Variants in STK3 observed in about 807,000 individuals in gnomAD.
The protein encoded by STK3 is serine/threonine-protein kinase 3.
In STK3, 41 loss-of-function variants were observed where a neutral mutation model predicts 58.0. That is an observed-to-expected ratio of 0.71 (90% CI 0.55 to 0.92). STK3 has a LOEUF of 0.92. STK3 is among the 40% of genes least tolerant of loss of function. The probability of loss-of-function intolerance (pLI) is 0.00; values close to 1 mark genes in which losing one functional copy is unlikely to be tolerated. For missense variants in STK3, 479 were observed against 602.7 expected, an observed-to-expected ratio of 0.79 and a Z score of 2.15; for synonymous variants, 170 against 191.0, an observed-to-expected ratio of 0.89 and a Z score of 0.91.
At chr8:98,777,502 C>G (rs1367803120) in intron 1 of STK3, among the ~76,000 whole-genome samples, 3 of 151,876 alleles carry the variant, frequency 2.0e-5, no homozygotes, top group African/African-American at 7.3e-5. Context: ...AGAGTTAGAC[C>G]CTATCTCAAA....
chr8:98,531,874 T>A (rs1479694752), intron 9 of STK3, among the ~76,000 whole-genome samples: 1 of 152,224 alleles, frequency 6.6e-6, no homozygotes, highest in East Asian at 1.9e-4. Context: ...CTTCAAACTT[T>A]TCTTCTGCAG....
At chr8:98,543,117 C>G (rs1810425895) in intron 9 of STK3, among the ~76,000 whole-genome samples, 1 of 152,126 alleles carries the variant, frequency 6.6e-6, no homozygotes. Context: ...GAAGCAACCT[C>G]TTAACTGAGC....
At chr8:98,812,137 T>G (rs892590896) in intron 1 of STK3, among the ~76,000 whole-genome samples, 1 of 152,212 alleles carries the variant, frequency 6.6e-6, no homozygotes, top group Non-Finnish European at 1.5e-5. Context: ...TGCTCCCTTT[T>G]GCCTTTTAAA....
At chr8:98,927,177 G>A (rs796494313) in intron 1 of STK3, among the ~76,000 whole-genome samples, 7 of 152,352 alleles carry the variant, frequency 4.6e-5, no homozygotes, top group African/African-American at 1.7e-4. Flanking sequence ...CTCTGAATGT[G>A]AGATCATGCT....
At chr8:98,893,474 GAAAGAA>G (rs1478770717) in intron 1 of STK3, among the ~76,000 whole-genome samples, 1 of 65,250 alleles carries the variant, frequency 1.5e-5, no homozygotes, top group African/African-American at 7.9e-5. Flanking sequence ...AAGAAAGAAA[GAAAGAA>G]AGAAAGAGAA....
At chr8:98,751,361 G>A (rs1355796274) in intron 3 of STK3, among the ~76,000 whole-genome samples, 1 of 152,112 alleles carries the variant, frequency 6.6e-6, no homozygotes, top group Non-Finnish European at 1.5e-5. Context: ...AAACCCCATA[G>A]CCTCAGCCCA....
chr8:98,764,458 A>T (rs2131428232), intron 3 of STK3, among the ~76,000 whole-genome samples: 1 of 152,352 alleles, frequency 6.6e-6, no homozygotes, highest in East Asian at 1.9e-4. Context: ...GAATAAAGAT[A>T]GTGATGACAT....
chr8:98,767,853 G>A (rs1375001186), intron 2 of STK3, among the ~76,000 whole-genome samples: 2 of 152,168 alleles, frequency 1.3e-5, no homozygotes, highest in African/African-American at 4.8e-5. Context: ...GAGAAGCAAG[G>A]AATCTGCAGC....
chr8:98,622,805 T>C (rs774116208), intron 6 of STK3, among the ~76,000 whole-genome samples: 30 of 152,162 alleles, frequency 2.0e-4, no homozygotes, highest in Non-Finnish European at 3.1e-4. Flanking sequence ...AACTAAGAAA[T>C]AGAAATTGCT....
chr8:98,362,737 T>A, the STK3 span, among the ~76,000 whole-genome samples: 14 of 152,164 alleles, frequency 9.2e-5, no homozygotes, highest in African/African-American at 3.4e-4. Flanking sequence ...AAAAGTATGA[T>A]GCTTCCACCT....
chr8:98,900,226 G>A (rs553757786), intron 1 of STK3, among the ~76,000 whole-genome samples: 48 of 152,068 alleles, frequency 3.2e-4, no homozygotes, highest in Admixed American at 2.0e-3. Context: ...ACAGGCGCCC[G>A]CCACTACACC....
In STK3 at chr8:98,428,076, C is replaced by T. The variant is rs1203917754; in HGVS notation, n.483+6051G>A. 2 of 1,613,650 alleles carry T rather than the reference C, an allele frequency of 1.2e-6. No individual in the cohort carries two copies. Among genetic ancestry groups the T allele is most frequent in the Admixed American group, 1.7e-5 (1 of 59,988 alleles). ...CGGCTTCAAGAGGAGGCTGCGCTCG[C>T]ACACGCTGCTGCGCTTCCCCGAGAC... On this transcript the variant is annotated intron_variant and non_coding_transcript_variant, in intron 3 of 3. Transcript: ENST00000517832. The surrounding 1 kb of genome is among the most constrained non-coding windows in gnomAD (Gnocchi z 6.7).
chr8:98,662,011 CTTAAGCATAAAGA>C (rs1285843755), intron 6 of STK3, among the ~76,000 whole-genome samples: 1 of 152,060 alleles, frequency 6.6e-6, no homozygotes, highest in Non-Finnish European at 1.5e-5. Context: ...CTGTAAGCTT[CTTAAGCATAAAGA>C]TTGTTTCCTT....
intron 4 of STK3, among the ~76,000 whole-genome samples, chr8:98,716,488 G>A (rs1031132640): frequency 8.6e-5 from 13 of 151,846 alleles, no homozygotes; most frequent in African/African-American, 3.1e-4. Flanking sequence ...TGAAATATCT[G>A]TACAATGAAA....
At chr8:98,787,702 A>G (rs962904709) in intron 1 of STK3, among the ~76,000 whole-genome samples, 46 of 152,338 alleles carry the variant, frequency 3.0e-4, no homozygotes, top group Middle Eastern at 3.4e-3. Context: ...GGTAACCTTT[A>G]AAGGAAAACC....
chr8:98,503,023 T>G (rs1022364905), intron 10 of STK3, among the ~76,000 whole-genome samples: 3 of 152,172 alleles, frequency 2.0e-5, no homozygotes, highest in Admixed American at 1.3e-4. Context: ...GCTGTGAATC[T>G]GTCTGGTCCT....
At chr8:98,504,215 T>G (rs1444313550) in intron 10 of STK3, among the ~76,000 whole-genome samples, 1 of 152,070 alleles carries the variant, frequency 6.6e-6, no homozygotes, top group African/African-American at 2.4e-5. Flanking sequence ...TTGCAACCCC[T>G]GCTTTTTTTT....
chr8:98,856,736 C>T (rs540565986), intron 3 of STK3, among the ~76,000 whole-genome samples: 1 of 152,140 alleles, frequency 6.6e-6, no homozygotes, highest in Non-Finnish European at 1.5e-5. Context: ...AACATCTGTC[C>T]ACACAGACAC....
chr8:98,847,596 TAGC>T (rs1836259162), intron 3 of STK3, among the ~76,000 whole-genome samples: 1 of 152,194 alleles, frequency 6.6e-6, no homozygotes, highest in Non-Finnish European at 1.5e-5. Context: ...TTGTCTTTAG[TAGC>T]AGAATTACTG....
Sources: allele counts gnomAD v4.1 joint callset (sites outside exome capture counted in the v4.1 genomes callset), GRCh38; gene constraint gnomAD v4.1.1; non-coding constraint Gnocchi (gnomAD v3.1); transcripts MANE v1.5; gene names NCBI Gene and HGNC (gene_info 2026-07-23, HGNC 2026-07-21).